Variants in PEBP4 observed in about 807,000 individuals in gnomAD.
The protein encoded by PEBP4 is phosphatidylethanolamine binding protein 4, also known as phosphatidylethanolamine-binding protein 4.
Under a neutral mutation model 23.9 loss-of-function variants are expected in PEBP4, and 22 were observed. That is an observed-to-expected ratio of 0.92 (90% confidence interval 0.66 to 1.31). The LOEUF is 1.31. Among genes scored for constraint, PEBP4 ranks in the 40% most tolerant of loss-of-function variants. The pLI, the probability that PEBP4 is intolerant of heterozygous loss-of-function variation, is 0.00. For missense variants in PEBP4, 324 were observed against 281.7 expected (o/e 1.15, Z -1.07); for synonymous variants, 112 against 99.3 (o/e 1.13, Z -0.76).
intron 3 of PEBP4, among the ~76,000 whole-genome samples, chr8:22,876,386 A>C (rs1419097545): frequency 6.8e-6 from 1 of 147,450 alleles, no homozygotes; most frequent in Non-Finnish European, 1.5e-5. Context: ...AATTAACAGC[A>C]TCCAGTGTGT....
chr8:22,831,301 G>A (rs1005300278), intron 3 of PEBP4, among the ~76,000 whole-genome samples: 1 of 152,104 alleles, frequency 6.6e-6, no homozygotes. Flanking sequence ...ACATTAATCA[G>A]CATAGTTTTT....
chr8:22,848,781 T>G (rs1348295239), intron 3 of PEBP4, among the ~76,000 whole-genome samples: 1 of 152,184 alleles, frequency 6.6e-6, no homozygotes, highest in African/African-American at 2.4e-5. Flanking sequence ...ATGATGAGTG[T>G]CATCAAGAAG....
rs6990784 is a variant in PEBP4 at position 22,784,354 on chromosome 8, C to T, written c.357+33283G>A. On this transcript the variant is annotated intron_variant, in intron 4 of 6. Coordinates refer to ENST00000256404, the MANE Select transcript of PEBP4 (RefSeq NM_144962.3). ...TGGGGTCAGGAATCAAAGGCAAGAA[C>T]GAGAACCAGAGAAGGAAGGAAGGGA... Among the ~76,000 whole-genome samples the T allele has an allele frequency of 9.8e-4, 149 of 152,258 alleles. 1 individual carries two copies. The highest frequency in any genetic ancestry group is 3.3e-3 in the African/African-American group (136 of 41,538).
At chr8:22,863,020 T>C (rs777134319) in intron 3 of PEBP4, among the ~76,000 whole-genome samples, 1 of 152,134 alleles carries the variant, frequency 6.6e-6, no homozygotes, top group Non-Finnish European at 1.5e-5. Context: ...CAGGATGGTC[T>C]CGAGCTCCTG....
intron 6 of PEBP4, among the ~76,000 whole-genome samples, chr8:22,724,635 G>A (rs1436459115): frequency 1.3e-5 from 2 of 152,160 alleles, no homozygotes; most frequent in Non-Finnish European, 2.9e-5. Context: ...CTGGTCTGTG[G>A]GACTTACTTC....
In PEBP4 at chr8:22,865,794, G is replaced by A. The variant is rs1807886313; in HGVS notation, c.259-48059C>T. Among the ~76,000 whole-genome samples the A allele has an allele frequency of 6.6e-6, 1 of 152,210 alleles. No homozygotes were observed. The highest frequency in any genetic ancestry group is 2.1e-4 in the South Asian group (1 of 4,836). ...AGGAGATCGGCGGCCACTCCCGGGG[G>A]CGCGAGCGGCGGCGCCTAGAGGGAC... On this transcript the variant is annotated intron_variant, in intron 3 of 6. Coordinates refer to ENST00000256404, the MANE Select transcript of PEBP4 (RefSeq NM_144962.3). The surrounding 1 kb of genome is among the most constrained non-coding windows in gnomAD (Gnocchi z 6.9).
In PEBP4 at chr8:22,733,552, T is replaced by C. The variant is rs188771630; in HGVS notation, c.358-6332A>G. Among the ~76,000 whole-genome samples the C allele has an allele frequency of 3.2e-3, 486 of 152,128 alleles. 4 individuals are homozygous for C. Among genetic ancestry groups the C allele is most frequent in the South Asian group, 0.018 (89 of 4,816 alleles). On this transcript the variant is annotated intron_variant, in intron 4 of 6. Coordinates refer to ENST00000256404, the MANE Select transcript of PEBP4 (RefSeq NM_144962.3). ...TCCCTCATTCCCCTTCAATTACCTG[T>C]AGGCAGCGGCCCACCCACCTGGGTG...
intron 3 of PEBP4, among the ~76,000 whole-genome samples, chr8:22,903,979 G>T (rs1426596474): frequency 6.6e-6 from 1 of 152,206 alleles, no homozygotes; most frequent in Non-Finnish European, 1.5e-5. Flanking sequence ...ACCTGCCCCT[G>T]GACTCAGTTG....
chr8:22,759,247 G>A (rs977906558), intron 4 of PEBP4, among the ~76,000 whole-genome samples: 3 of 109,894 alleles, frequency 2.7e-5, no homozygotes, highest in East Asian at 3.7e-4. Flanking sequence ...CCGCATAGAC[G>A]GAGGCCCAGG....
chr8:22,720,536 C>G (rs912975309), intron 6 of PEBP4, among the ~76,000 whole-genome samples: 2 of 152,202 alleles, frequency 1.3e-5, no homozygotes, highest in African/African-American at 4.8e-5. Flanking sequence ...GGAAAGATGT[C>G]CCCCTCAGAG....
In PEBP4 at chr8:22,727,212, G is replaced by A; in HGVS notation, c.366C>T (p.Asp122=). Residue 122 remains aspartate (D), a synonymous_variant, in exon 5 of 7, where the codon GAC becomes GAT. Transcript: ENST00000256404. ...GGCCCTGAATCTTCCCTTTCTTCAG[G>A]TCGGCGCCCTGAAAGAAGAGACAAG... ...HWLVTDIKGA[D]LKKGKIQGQE... 2 of 1,613,868 alleles carry A rather than the reference G, an allele frequency of 1.2e-6. No individual in the cohort carries two copies. The highest frequency in any genetic ancestry group is 1.7e-6 in the Non-Finnish European group (2 of 1,179,970).
chr8:22,805,834 C>T (rs1806483785), intron 4 of PEBP4, among the ~76,000 whole-genome samples: 4 of 152,022 alleles, frequency 2.6e-5, no homozygotes, highest in Admixed American at 2.6e-4. Flanking sequence ...TTTTGATCTG[C>T]AGTGCCTGAA....
chr8:22,758,489 G>A (rs1805437366), intron 4 of PEBP4, among the ~76,000 whole-genome samples: 1 of 152,202 alleles, frequency 6.6e-6, no homozygotes, highest in Non-Finnish European at 1.5e-5. Flanking sequence ...TTTGGCCTGT[G>A]GGCTGTCGTT....
intron 6 of PEBP4, 80 bp downstream of exon 6, chr8:22,724,763 A>ATTTCCCCGTAAATGCCTGAAGCG: frequency 8.8e-7 from 1 of 1,136,754 alleles, no homozygotes; most frequent in South Asian, 1.3e-5. Context: ...CAAGGCCCCA[A>ATTTCCCCGTAAATGCCTGAAGCG]TTTCCCCGTA....
At chr8:22,774,305 C>T (rs1275998490) in intron 4 of PEBP4, among the ~76,000 whole-genome samples, 1 of 152,208 alleles carries the variant, frequency 6.6e-6, no homozygotes, top group African/African-American at 2.4e-5. Flanking sequence ...CCCATTCACG[C>T]TAGGATGTTA....
intron 3 of PEBP4, among the ~76,000 whole-genome samples, chr8:22,863,821 ACAG>A (rs1807828818): frequency 6.6e-6 from 1 of 152,298 alleles, no homozygotes; most frequent in East Asian, 1.9e-4. Flanking sequence ...GGCCTGCCTA[ACAG>A]CATGCTACAG....
At chr8:22,902,003 G>A (rs1270459588) in intron 3 of PEBP4, among the ~76,000 whole-genome samples, 1 of 152,204 alleles carries the variant, frequency 6.6e-6, no homozygotes, top group Non-Finnish European at 1.5e-5. Flanking sequence ...TTACTGCATT[G>A]CCATTTTTAA....
intron 3 of PEBP4, among the ~76,000 whole-genome samples, chr8:22,840,904 G>A (rs908236199): frequency 2.0e-5 from 3 of 152,128 alleles, no homozygotes; most frequent in Admixed American, 2.0e-4. Context: ...TATAACTAAT[G>A]GTACCAATTG....
chr8:22,724,451 C>T (rs1195196234), intron 6 of PEBP4, among the ~76,000 whole-genome samples: 4 of 152,230 alleles, frequency 2.6e-5, no homozygotes, highest in Non-Finnish European at 5.9e-5. Flanking sequence ...GGTGGCATTC[C>T]AGGGCCCTCT....
Sources: gnomAD v4.1 joint callset for allele counts (sites outside exome capture counted in the v4.1 genomes callset) on GRCh38, gnomAD v4.1.1 for gene constraint, Gnocchi (gnomAD v3.1) non-coding constraint, MANE v1.5 for transcripts, NCBI Gene and HGNC (gene_info 2026-07-23, HGNC 2026-07-21) for gene names.